The following C10orf90 variants were observed in gnomAD, a reference collection of about 807,000 sequenced individuals.
C10orf90 encodes chromosome 10 open reading frame 90, also known as (E2-independent) E3 ubiquitin-conjugating enzyme FATS.
A neutral mutation model predicts 62.5 loss-of-function variants in C10orf90; 56 were observed. The observed-to-expected ratio is 0.90, with a 90% confidence interval of 0.72 to 1.12. The LOEUF is 1.12. Among genes scored for constraint, C10orf90 ranks in the 50% most tolerant of loss-of-function variants. The probability of loss-of-function intolerance (pLI) is 0.00; values close to 1 mark genes in which losing one functional copy is unlikely to be tolerated. For synonymous variants in C10orf90, 386 were observed against 340.4 expected (o/e 1.13, Z -1.47); for missense variants, 970 against 880.4 (o/e 1.10, Z -1.29).
rs537857077 is a variant in C10orf90, at chr10:126,532,209, C to T, written c.314-18270G>A. Among the ~76,000 whole-genome samples the T allele has an allele frequency of 3.7e-4, 56 of 152,306 alleles. 1 individual carries two copies. Among genetic ancestry groups the T allele is most frequent in the African/African-American group, 1.1e-3 (46 of 41,574 alleles). On this transcript the variant is annotated intron_variant, in intron 2 of 9. Transcript: ENST00000488181. ...CATTGCATCTCAGCCTGCCATGTCC[C>T]TAACTTGACCTGTGGCTCTATCTGT...
intron 2 of C10orf90, among the ~76,000 whole-genome samples, chr10:126,556,389 C>T (rs1208049124): frequency 1.3e-5 from 2 of 152,150 alleles, no homozygotes; most frequent in Non-Finnish European, 2.9e-5. Flanking sequence ...TCTCCCTGTG[C>T]TTATCAAACC....
Position 126,645,603 on chromosome 10 carries a change from A to G in C10orf90, c.313+962T>C, listed in dbSNP as rs568903670. ...AGACCCTGCCTAAAAAAAAAAAAAA[A>G]AAAAGAACAAGCTGTAAACCATGCT... On this transcript the variant is annotated intron_variant, in intron 2 of 9. Transcript: ENST00000488181. Among the ~76,000 whole-genome samples the G allele has an allele frequency of 1.2e-4, 18 of 152,078 alleles. No individual in the cohort carries two copies. The East Asian group carries it at 2.9e-3, about 25-fold the overall frequency.
intron 2 of C10orf90, among the ~76,000 whole-genome samples, chr10:126,619,626 GT>G (rs892551677): frequency 6.6e-6 from 1 of 152,022 alleles, no homozygotes; most frequent in Non-Finnish European, 1.5e-5. Context: ...AAACTTGGTT[GT>G]TTTTTTCTTT....
intron 1 of C10orf90, among the ~76,000 whole-genome samples, chr10:126,665,705 G>T (rs1338741428): frequency 6.6e-6 from 1 of 152,150 alleles, no homozygotes; most frequent in East Asian, 1.9e-4. Context: ...CCACCTGGAG[G>T]CAGTGTCCAG....
At chr10:126,574,295 T>C (rs1436798) in intron 2 of C10orf90, among the ~76,000 whole-genome samples, 60,846 of 151,960 alleles carry the variant, frequency 0.4, 12,588 homozygotes, top group Middle Eastern at 0.47. Flanking sequence ...TTTCTTAATG[T>C]ATAAAGAGTT....
At chr10:126,444,987 C>T (rs1348946738) in intron 7 of C10orf90, among the ~76,000 whole-genome samples, 2 of 152,092 alleles carry the variant, frequency 1.3e-5, no homozygotes, top group Non-Finnish European at 2.9e-5. Flanking sequence ...GAAACTAGAT[C>T]CTCATCTCTC....
chr10:126,524,936 T>A (rs550693142), intron 2 of C10orf90: 2 of 753,576 alleles, frequency 2.7e-6, no homozygotes, highest in East Asian at 2.6e-4. Flanking sequence ...CATTATTACA[T>A]AGTATTGAAA....
intron 2 of C10orf90, among the ~76,000 whole-genome samples, chr10:126,529,081 G>A (rs907290511): frequency 6.6e-6 from 1 of 152,114 alleles, no homozygotes; most frequent in Admixed American, 6.6e-5. Context: ...AAATAATGAG[G>A]TGAGACTATC....
rs35841777 is a variant in C10orf90 at position 126,535,516 on chromosome 10, C to CAAA, written c.314-21580_314-21578dup. 1.0e-3 allele frequency among the ~76,000 whole-genome samples: 138 copies of CAAA among 132,052 alleles called. 1 individual carries two copies. Among genetic ancestry groups the CAAA allele is most frequent in the African/African-American group, 3.9e-3 (130 of 33,390 alleles). The allele number at this position is 132,052 out of a possible 152,430, so 86.6% of individuals were successfully genotyped here. On this transcript the variant is annotated intron_variant, in intron 2 of 9. Transcript: ENST00000488181. Reference sequence around the variant, plus strand: ...TGGGCAACAGAGCCAGACGCTGTCTCAAAAAAAAAAAAAAAAATTGTCTTC... The same window carrying CAAA: ...TGGGCAACAGAGCCAGACGCTGTCTCAAAAAAAAAAAAAAAAAAAATTGTCTTC...
At chr10:126,662,214 G>A (rs963243786) in intron 1 of C10orf90, among the ~76,000 whole-genome samples, 2 of 152,130 alleles carry the variant, frequency 1.3e-5, no homozygotes, top group Non-Finnish European at 2.9e-5. Flanking sequence ...ACTGAGGCTA[G>A]TTTAGCCGCA....
chr10:126,577,649 T>A (rs1181808782), intron 2 of C10orf90, among the ~76,000 whole-genome samples: 1 of 152,106 alleles, frequency 6.6e-6, no homozygotes, highest in Non-Finnish European at 1.5e-5. Context: ...AAGCAGGATT[T>A]TTTGTCAAAA....
At chr10:126,601,852 G>C (rs759325661) in intron 2 of C10orf90, among the ~76,000 whole-genome samples, 1 of 152,268 alleles carries the variant, frequency 6.6e-6, no homozygotes, top group Non-Finnish European at 1.5e-5. Flanking sequence ...TGCCCTGCCT[G>C]TGCTTGCCCA....
intron 2 of C10orf90, among the ~76,000 whole-genome samples, chr10:126,598,342 T>C (rs1053237564): frequency 6.6e-6 from 1 of 152,214 alleles, no homozygotes; most frequent in Non-Finnish European, 1.5e-5. Flanking sequence ...TGAATAATTA[T>C]GTCTGGCATG....
chr10:126,513,322 T>C (rs59490376), intron 3 of C10orf90, among the ~76,000 whole-genome samples: 3,311 of 152,308 alleles, frequency 0.022, 126 homozygotes, highest in African/African-American at 0.075. Context: ...GTACCTGTCT[T>C]GTGGGGCTAT....
At chr10:126,532,766 G>A (rs1285187577) in intron 2 of C10orf90, among the ~76,000 whole-genome samples, 3 of 134,646 alleles carry the variant, frequency 2.2e-5, no homozygotes, top group African/African-American at 8.5e-5. Context: ...GAACCCGGGA[G>A]GCGGAGATTG....
chr10:126,545,846 A>C (rs1390195568), intron 2 of C10orf90, among the ~76,000 whole-genome samples: 1 of 151,868 alleles, frequency 6.6e-6, no homozygotes, highest in Non-Finnish European at 1.5e-5. Context: ...CTTATTTCTG[A>C]CTTATTTCTT....
chr10:126,535,937 C>T (rs1488717105), intron 2 of C10orf90, among the ~76,000 whole-genome samples: 1 of 152,138 alleles, frequency 6.6e-6, no homozygotes, highest in Non-Finnish European at 1.5e-5. Context: ...GCAGAGAGTC[C>T]ATCGTTACGG....
chr10:126,468,151 C>A (rs561613786), intron 4 of C10orf90, among the ~76,000 whole-genome samples: 1 of 151,956 alleles, frequency 6.6e-6, no homozygotes, highest in East Asian at 1.9e-4. Context: ...TCACTGCAAC[C>A]TCCGCCTTCC....
At chr10:126,650,596 T>A (rs1334841651) in intron 1 of C10orf90, among the ~76,000 whole-genome samples, 1 of 152,112 alleles carries the variant, frequency 6.6e-6, no homozygotes, top group African/African-American at 2.4e-5. Flanking sequence ...GCTATTAGAA[T>A]CAGTCCTAGG....
Sources: gnomAD v4.1 joint callset for allele counts (sites outside exome capture counted in the v4.1 genomes callset) on GRCh38, gnomAD v4.1.1 for gene constraint, MANE v1.5 for transcripts, NCBI Gene and HGNC (gene_info 2026-07-23, HGNC 2026-07-21) for gene names.